The following SAMD12 variants were observed in gnomAD, a reference collection of about 807,000 sequenced individuals.
The protein encoded by SAMD12 is sterile alpha motif domain containing 12, also known as sterile alpha motif domain-containing protein 12.
In SAMD12, 9 loss-of-function variants were observed where a neutral mutation model predicts 15.0. The ratio of observed to expected loss-of-function variants is 0.60; its 90% CI spans 0.36 to 1.05. The LOEUF is 1.05. SAMD12 is among the 50% of genes least tolerant of loss of function. SAMD12 has a pLI of 0.01. For missense variants in SAMD12, 230 were observed against 234.2 expected (o/e 0.98, Z 0.12); for synonymous variants, 86 against 90.1 (o/e 0.96, Z 0.25).
intron 1 of SAMD12, among the ~76,000 whole-genome samples, chr8:118,619,972 G>A (rs1057503123): frequency 1.3e-5 from 2 of 152,156 alleles, no homozygotes; most frequent in African/African-American, 4.8e-5. Context: ...CATTCTTTGA[G>A]ACCTCATTGT....
At chr8:118,551,899 G>A (rs200141137) in intron 2 of SAMD12, among the ~76,000 whole-genome samples, 46 of 145,334 alleles carry the variant, frequency 3.2e-4, no homozygotes, top group Non-Finnish European at 5.3e-4. Context: ...CTACAAATAC[G>A]TCTACGCAAA....
At chr8:118,523,080 A>G (rs1325344813) in intron 2 of SAMD12, among the ~76,000 whole-genome samples, 1 of 152,164 alleles carries the variant, frequency 6.6e-6, no homozygotes, top group Non-Finnish European at 1.5e-5. Flanking sequence ...AATATATTTC[A>G]TATCTGAAAA....
chr8:118,372,422 A>T (rs1456377955), intron 4 of SAMD12, among the ~76,000 whole-genome samples: 6 of 138,878 alleles, frequency 4.3e-5, no homozygotes, highest in South Asian at 4.7e-4. Context: ...AAGATGCAGT[A>T]TTTTTTTTTT....
intron 2 of SAMD12, among the ~76,000 whole-genome samples, chr8:118,515,185 ATTT>A (rs55864364): frequency 3.3e-4 from 34 of 103,296 alleles, no homozygotes; most frequent in African/African-American, 8.2e-4. Context: ...CGCCCAGCTA[ATTT>A]TTTTTTTTTT....
At chr8:118,578,857 A>G (rs1827216376) in intron 2 of SAMD12, among the ~76,000 whole-genome samples, 1 of 152,194 alleles carries the variant, frequency 6.6e-6, no homozygotes, top group Non-Finnish European at 1.5e-5. Context: ...AAAACCCAGA[A>G]TCTCCTTTCA....
chr8:118,321,058 T>A (rs1816224657), intron 4 of SAMD12, among the ~76,000 whole-genome samples: 1 of 144,528 alleles, frequency 6.9e-6, no homozygotes, highest in African/African-American at 2.5e-5. Flanking sequence ...AATAAAAAGT[T>A]GAATTTCAGC....
chr8:118,521,373 G>A (rs749521788), intron 2 of SAMD12, among the ~76,000 whole-genome samples: 26 of 152,170 alleles, frequency 1.7e-4, no homozygotes, highest in Middle Eastern at 3.2e-3. Context: ...CTCAGATGCT[G>A]GCTGTGTTAT....
intron 2 of SAMD12, among the ~76,000 whole-genome samples, chr8:118,567,804 C>A (rs1284607719): frequency 3.3e-5 from 5 of 152,188 alleles, no homozygotes; most frequent in Non-Finnish European, 5.9e-5. Flanking sequence ...TATGAAAATT[C>A]CCTTTCTAAT....
chr8:118,372,769 C>T (rs1303128526), intron 4 of SAMD12, among the ~76,000 whole-genome samples: 2 of 151,900 alleles, frequency 1.3e-5, no homozygotes, highest in Non-Finnish European at 2.9e-5. Flanking sequence ...AGTTTTTAAC[C>T]ATTAAAAATA....
intron 4 of SAMD12, among the ~76,000 whole-genome samples, chr8:118,275,193 A>AT (rs1462468188): frequency 6.6e-6 from 1 of 152,080 alleles, no homozygotes; most frequent in African/African-American, 2.4e-5. Context: ...TTATAGAATA[A>AT]TTTTTTTATA....
chr8:118,148,838 C>T, the SAMD12 span, among the ~76,000 whole-genome samples: 11 of 152,200 alleles, frequency 7.2e-5, no homozygotes, highest in African/African-American at 2.6e-4. Context: ...TGAGCTTTAC[C>T]CATGTTACAG....
rs1440697903 is a variant in SAMD12, at chr8:118,615,746, G to A, written c.13+6058C>T. 3.9e-5 allele frequency among the ~76,000 whole-genome samples: 6 copies of A among 152,248 alleles called. No homozygotes were observed. In the South Asian group the frequency reaches 6.2e-4, roughly 16 times the overall value. ...CCAGTTTCTGCTTCTCAGCACCAGC[G>A]CTTGTTTCTTCATTCAGGCGTGAGA... On this transcript the variant is annotated intron_variant, in intron 1 of 3. Coordinates refer to ENST00000314727, the MANE Select transcript of SAMD12 (RefSeq NM_207506.3).
At chr8:118,367,102 A>G (rs1320547371) in intron 4 of SAMD12, among the ~76,000 whole-genome samples, 1 of 151,724 alleles carries the variant, frequency 6.6e-6, no homozygotes, top group Non-Finnish European at 1.5e-5. Flanking sequence ...AAATTCTGAT[A>G]CAATGGGAGG....
At chr8:118,161,453 G>A in the SAMD12 span, among the ~76,000 whole-genome samples, 3 of 151,622 alleles carry the variant, frequency 2.0e-5, no homozygotes, top group Admixed American at 2.0e-4. Flanking sequence ...GGTGGCAAAT[G>A]CCTGAGGGTG....
chr8:118,198,435 T>C (rs1819626139), intron 4 of SAMD12, among the ~76,000 whole-genome samples: 1 of 152,224 alleles, frequency 6.6e-6, no homozygotes, highest in East Asian at 1.9e-4. Flanking sequence ...CAGTTCCTTA[T>C]ACATGGGTCT....
At chr8:118,167,391 G>A in the SAMD12 span, among the ~76,000 whole-genome samples, 1 of 152,072 alleles carries the variant, frequency 6.6e-6, no homozygotes, top group Non-Finnish European at 1.5e-5. Flanking sequence ...GTTACAATCA[G>A]GAGGTTCTCC....
At chr8:118,444,030 C>T (rs1207262044) in intron 2 of SAMD12, among the ~76,000 whole-genome samples, 8 of 152,178 alleles carry the variant, frequency 5.3e-5, no homozygotes, top group Non-Finnish European at 1.2e-4. Context: ...CAACATCCAA[C>T]ACCTACACTC....
intron 2 of SAMD12, among the ~76,000 whole-genome samples, chr8:118,477,809 C>T (rs1239635212): frequency 2.6e-5 from 4 of 151,862 alleles, no homozygotes; most frequent in African/African-American, 9.7e-5. Flanking sequence ...GTCAGGAGAT[C>T]GAGACCATCC....
chr8:118,246,666 A>ATTTTT (rs1812705301), intron 4 of SAMD12, among the ~76,000 whole-genome samples: 1 of 152,156 alleles, frequency 6.6e-6, no homozygotes, highest in African/African-American at 2.4e-5. Flanking sequence ...AGATCATTCT[A>ATTTTT]ATATTTGGTA....
Sources: allele counts gnomAD v4.1 joint callset (sites outside exome capture counted in the v4.1 genomes callset), GRCh38; gene constraint gnomAD v4.1.1; transcripts MANE v1.5; gene names NCBI Gene and HGNC (gene_info 2026-07-23, HGNC 2026-07-21).